Variants in FAM209A observed in about 807,000 individuals in gnomAD.
The protein encoded by FAM209A is protein FAM209A.
FAM209A carries 4 observed loss-of-function variants against 9.8 expected under a neutral mutation model. The ratio of observed to expected loss-of-function variants is 0.41; its 90% CI spans 0.20 to 0.94. FAM209A has a LOEUF of 0.94. FAM209A is among the 40% of genes least tolerant of loss of function. The probability of loss-of-function intolerance (pLI) is 0.32; values close to 1 mark genes in which losing one functional copy is unlikely to be tolerated. For missense variants in FAM209A, 205 were observed against 209.4 expected, an observed-to-expected ratio of 0.98 and a Z score of 0.13; for synonymous variants, 55 against 77.8, an observed-to-expected ratio of 0.71 and a Z score of 1.54.
rs1264375094 is a variant in FAM209A, at chr20:56,526,014, G to T, written c.460G>T (p.Ala154Ser). Reference sequence around the variant, plus strand: ...CAGGCTTCGAAAGTCAGAGATGCCTGCAGATCCATACCATGTCACGATCTG... The same window carrying T: ...CAGGCTTCGAAAGTCAGAGATGCCTTCAGATCCATACCATGTCACGATCTG... ...NLRLRKSEMP[A>S]DPYHVTICEI... Residue 154 changes from alanine to serine, a missense_variant, in exon 2 of 2, where the codon GCA (alanine) becomes TCA (serine). By Grantham distance (99) the Ala-to-Ser change is moderately conservative (BLOSUM62 1). Transcript: ENST00000371328. 1 of 1,614,140 alleles carries T rather than the reference G, an allele frequency of 6.2e-7. No individual in the cohort carries two copies. Among genetic ancestry groups the T allele is most frequent in the African/African-American group, 1.3e-5 (1 of 75,046 alleles).
At chr20:56,530,997 G>A (rs1485363127), downstream of FAM209A, among the ~76,000 whole-genome samples, 2 of 152,154 alleles carry the variant, frequency 1.3e-5, no homozygotes, top group Non-Finnish European at 2.9e-5. Context: ...AGTACAAGCC[G>A]TGCATTCCAG....
chr20:56,533,427 C>G, the FAM209A span: 1 of 1,613,832 alleles, frequency 6.2e-7, no homozygotes, highest in East Asian at 2.2e-5. Context: ...AGACAGAAAA[C>G]TAGCGAACCC....
At chr20:56,529,409 TG>T (rs779293005), downstream of FAM209A, among the ~76,000 whole-genome samples, 6 of 151,302 alleles carry the variant, frequency 4.0e-5, 1 homozygote, top group East Asian at 2.0e-4. Flanking sequence ...CCCAGCTACT[TG>T]GGAGGCTGAG....
At chr20:56,531,047 A>G (rs546564881), downstream of FAM209A, among the ~76,000 whole-genome samples, 5 of 152,262 alleles carry the variant, frequency 3.3e-5, no homozygotes, top group East Asian at 7.7e-4. Context: ...TAAAGAACTC[A>G]TGGTTTCAGG....
At chr20:56,531,444 A>T in the FAM209A span, among the ~76,000 whole-genome samples, 1 of 147,174 alleles carries the variant, frequency 6.8e-6, no homozygotes, top group Non-Finnish European at 1.5e-5. Flanking sequence ...GATTACAGGC[A>T]TGCACCACCA....
downstream of FAM209A, among the ~76,000 whole-genome samples, chr20:56,526,475 GCA>G: frequency 6.6e-6 from 1 of 152,176 alleles, no homozygotes; most frequent in Non-Finnish European, 1.5e-5. Context: ...ACAAAAGACA[GCA>G]TTAATGATAG....
downstream of FAM209A, among the ~76,000 whole-genome samples, chr20:56,529,697 C>T (rs1985675894): frequency 2.8e-5 from 4 of 143,018 alleles, no homozygotes; most frequent in South Asian, 4.5e-4. Flanking sequence ...GGTGTGTTGG[C>T]GTGTGCCTGT....
downstream of FAM209A, among the ~76,000 whole-genome samples, chr20:56,526,983 G>T (rs1985555662): frequency 6.6e-6 from 1 of 152,124 alleles, no homozygotes; most frequent in Non-Finnish European, 1.5e-5. Context: ...GTGCTAACCA[G>T]GGGCTCCCAG....
chr20:56,530,813 C>G (rs1985719389), downstream of FAM209A, among the ~76,000 whole-genome samples: 1 of 151,788 alleles, frequency 6.6e-6, no homozygotes. Context: ...CTGGCCATAG[C>G]TTGTAGAACT....
chr20:56,529,548 G>T (rs535606112), downstream of FAM209A, among the ~76,000 whole-genome samples: 1 of 151,680 alleles, frequency 6.6e-6, no homozygotes, highest in Admixed American at 6.6e-5. Flanking sequence ...AAAAATACAG[G>T]CCTGGCACAA....
chr20:56,527,031 G>A (rs1985557427), downstream of FAM209A, among the ~76,000 whole-genome samples: 1 of 152,198 alleles, frequency 6.6e-6, no homozygotes, highest in Non-Finnish European at 1.5e-5. Context: ...TATTCAAAAT[G>A]TGGATATTTT....
chr20:56,533,198 C>G, the FAM209A span: 4 of 1,532,014 alleles, frequency 2.6e-6, no homozygotes, highest in Admixed American at 2.0e-5. Context: ...TAACCTCTGT[C>G]CTGAAATCAT....
In FAM209A at chr20:56,524,884, A is replaced by C. The variant is rs150493059; in HGVS notation, c.76A>C (p.Arg26=). Residue 26 remains arginine (R), a synonymous_variant, in exon 1 of 2, where the codon AGA becomes CGA. Coordinates refer to ENST00000371328, the MANE Select transcript of FAM209A (RefSeq NM_001012971.4). Reference sequence around the variant, plus strand: ...CTATGCCTTTATGTTCTCTTCTCTGAGACAGAAAACTAGCGAACCCCAGGG... The same window carrying C: ...CTATGCCTTTATGTTCTCTTCTCTGCGACAGAAAACTAGCGAACCCCAGGG... ...CSYAFMFSSL[R]QKTSEPQGKV... is the part of the protein sequence containing the mutation. The C allele has an allele frequency of 8.3e-5, 134 of 1,614,174 alleles. No individual in the cohort carries two copies. In the African/African-American group the frequency reaches 1.7e-3, roughly 20 times the overall value.
downstream of FAM209A, among the ~76,000 whole-genome samples, chr20:56,528,299 A>G (rs1985622813): frequency 6.6e-6 from 1 of 151,454 alleles, no homozygotes; most frequent in Non-Finnish European, 1.5e-5. Context: ...AAAAATAAAA[A>G]TAATGTTTGG....
the FAM209A span, among the ~76,000 whole-genome samples, chr20:56,531,475 A>G: frequency 1.4e-5 from 2 of 148,006 alleles, no homozygotes; most frequent in East Asian, 2.0e-4. Context: ...ATTTTTTTGT[A>G]TTTTTAGTAG....
chr20:56,528,746 T>TG (rs1985642756), downstream of FAM209A, among the ~76,000 whole-genome samples: 1 of 152,208 alleles, frequency 6.6e-6, no homozygotes, highest in African/African-American at 2.4e-5. Flanking sequence ...GAGAGGGTCA[T>TG]GCCGCATACC....
At position 56,525,888 on chromosome 20, in the gene FAM209A, G is replaced by A; in HGVS notation, c.334G>A (p.Ala112Thr). The change falls in exon 2 of 2, where the codon GCA becomes ACA. Residue 112 changes from alanine (A) to threonine (T), a missense_variant. By Grantham distance (58) the Ala-to-Thr change is moderately conservative. Transcript: ENST00000371328. The part of the protein sequence containing the change: ...KRNASPNKDC[A>T]FNTLMELEVE... The stretch of plus-strand genomic sequence containing the variant: ...AAATGCTTCCCCCAACAAAGACTGT[G>A]CATTCAATACCTTAATGGAACTCGA... 1 of 1,614,194 alleles carries A rather than the reference G, an allele frequency of 6.2e-7. No homozygotes were observed. The highest frequency in any genetic ancestry group is 1.3e-5 in the African/African-American group (1 of 75,058).
chr20:56,533,548 G>A, the FAM209A span: 22 of 1,614,162 alleles, frequency 1.4e-5, no homozygotes, highest in South Asian at 1.5e-4. Context: ...CTGTTGTGCC[G>A]TTTGTGATAC....
At chr20:56,525,166 C>A in intron 1 of FAM209A, 109 bp downstream of exon 1, 3 of 1,462,254 alleles carry the variant, frequency 2.1e-6, no homozygotes, top group Non-Finnish European at 1.8e-6. Flanking sequence ...AATGAACCGA[C>A]CTCATGGTCC....
Sources: allele counts gnomAD v4.1 joint callset (sites outside exome capture counted in the v4.1 genomes callset), GRCh38; gene constraint gnomAD v4.1.1; transcripts MANE v1.5; gene names NCBI Gene and HGNC (gene_info 2026-07-23, HGNC 2026-07-21).